The following DLGAP3 variants were observed in gnomAD, a reference collection of about 807,000 sequenced individuals.
DLGAP3 encodes the protein DLG associated protein 3, also known as disks large-associated protein 3.
DLGAP3 carries 17 observed loss-of-function variants against 81.2 expected under a neutral mutation model. The ratio of observed to expected loss-of-function variants is 0.21; its 90% CI spans 0.14 to 0.31. The LOEUF is 0.31. Ranked by LOEUF, DLGAP3 falls within the 10% of genes least tolerant of loss-of-function variation. DLGAP3 has a pLI of 1.00. For missense variants in DLGAP3, 1,124 were observed against 1,388.0 expected (o/e 0.81, Z 3.02); for synonymous variants, 577 against 587.4 (o/e 0.98, Z 0.26).
Position 34,902,246 on chromosome 1 carries a change from G to A in DLGAP3, c.1108-1973C>T, listed in dbSNP as rs1175724067. Among the ~76,000 whole-genome samples, 3 of 152,212 alleles carry A rather than the reference G, an allele frequency of 2.0e-5. No individual in the cohort carries two copies. The highest frequency in any genetic ancestry group is 4.1e-4 in the South Asian group (2 of 4,830). On this transcript the variant is annotated intron_variant, in intron 3 of 11. Coordinates refer to ENST00000373347, the MANE Select transcript of DLGAP3 (RefSeq NM_001080418.3). This position sits in a 1 kb window ranked among gnomAD's most constrained non-coding sequence, Gnocchi z 4.4. ...GGATGGGAGCTCCAAAAGGGGTAACGCCTCAGGGACAGCATAGGGTTCAGG... is the reference window on the plus strand; with the variant it reads ...GGATGGGAGCTCCAAAAGGGGTAACACCTCAGGGACAGCATAGGGTTCAGG...
In DLGAP3 at chr1:34,911,026, C is replaced by A. The variant is rs539917417; in HGVS notation, c.-134-3589G>T. Among the ~76,000 whole-genome samples, 980 of 144,738 alleles carry A rather than the reference C, an allele frequency of 6.8e-3. 16 individuals are homozygous for A. Among genetic ancestry groups the A allele is most frequent in the African/African-American group, 0.023 (910 of 40,196 alleles). The allele number at this position is 144,738 out of a possible 152,430, so 95.0% of individuals were successfully genotyped here. The stretch of plus-strand genomic sequence containing the variant: ...TCCAAAGGATAGATATTATCCACCC[C>A]CCCCCCACCACCTTCCAGTGTACAG... On this transcript the variant is annotated intron_variant, in intron 1 of 11. Transcript: ENST00000373347.
chr1:34,877,072 A>C (rs2148396932), intron 8 of DLGAP3, among the ~76,000 whole-genome samples: 1 of 152,368 alleles, frequency 6.6e-6, no homozygotes, highest in Middle Eastern at 3.4e-3. Context: ...GGTATCAGAA[A>C]CAGGAAGGAA....
chr1:34,909,558 T>C (rs1639609501), intron 1 of DLGAP3, among the ~76,000 whole-genome samples: 1 of 152,244 alleles, frequency 6.6e-6, no homozygotes, highest in African/African-American at 2.4e-5. Flanking sequence ...GCCTTTCTTT[T>C]GGATTTACAA....
chr1:34,903,533 A>T (rs1639496139), intron 3 of DLGAP3, among the ~76,000 whole-genome samples: 1 of 152,202 alleles, frequency 6.6e-6, no homozygotes, highest in Admixed American at 6.5e-5. Context: ...GCTGGGGTGA[A>T]GGCTCCATAA....
At chr1:34,886,943 C>CTTTTTTTTTT in intron 5 of DLGAP3, among the ~76,000 whole-genome samples, 1 of 64,300 alleles carries the variant, frequency 1.6e-5, no homozygotes, top group Non-Finnish European at 3.0e-5. Context: ...CCCCCACCTT[C>CTTTTTTTTTT]TTTTTTTTTT....
At chr1:34,887,234 C>T (rs1285229150) in intron 5 of DLGAP3, among the ~76,000 whole-genome samples, 1 of 151,938 alleles carries the variant, frequency 6.6e-6, no homozygotes, top group African/African-American at 2.4e-5. Context: ...GGATTATAGG[C>T]GTGAGCCACC....
intron 2 of DLGAP3, among the ~76,000 whole-genome samples, chr1:34,906,790 T>A (rs1477555946): frequency 6.6e-6 from 1 of 152,182 alleles, no homozygotes; most frequent in African/African-American, 2.4e-5. Flanking sequence ...CTGGAACCAG[T>A]GCTCCTGGCC....
Position 34,867,441 on chromosome 1 carries a change from C to T in DLGAP3, c.2577+95G>A. 8.5e-7 allele frequency: 1 copy of T among 1,173,498 alleles called. No individual in the cohort carries two copies. Among genetic ancestry groups the T allele is most frequent in the African/African-American group, 1.5e-5 (1 of 66,896 alleles). 72.7% of individuals were successfully genotyped at this position (1,173,498 alleles called of 1,614,324 possible). A position where few individuals can be genotyped will look rare whatever the true frequency, so the allele number is the denominator to read the frequency against. Reference sequence around the variant, plus strand: ...TGCAGGCCTGGTCTCACCTCTGGTACACACTCACTCTGGGTCACCTGCCTG... The same window carrying T: ...TGCAGGCCTGGTCTCACCTCTGGTATACACTCACTCTGGGTCACCTGCCTG... On this transcript the variant is annotated intron_variant, in intron 10 of 11. Coordinates refer to ENST00000373347, the MANE Select transcript of DLGAP3 (RefSeq NM_001080418.3). The surrounding 1 kb of genome is among the most constrained non-coding windows in gnomAD (Gnocchi z 4.3).
rs151248512 is a variant in DLGAP3 at position 34,899,785 on chromosome 1, G to A, written c.1314-44C>T. 2.6e-3 allele frequency: 4,084 copies of A among 1,571,064 alleles called. 12 individuals carry two copies. Among genetic ancestry groups the A allele is most frequent in the Non-Finnish European group, 3.4e-3 (3,831 of 1,141,096 alleles). ...CCGGAGTCAGAACAGTGGACTGCTA[G>A]GAGGTGGGGGAGGGGAGATAATAGC... On this transcript the variant is annotated intron_variant, in intron 4 of 11. Transcript: ENST00000373347.
At position 34,865,805 on chromosome 1, in the gene DLGAP3, G is replaced by C. The variant is rs1238801817; in HGVS notation, c.*278C>G. The stretch of plus-strand genomic sequence containing the variant: ...AAAGAATGGCAGAGATGGTGCCCAT[G>C]GGGAGGAGGTGGGGACAAAGCGTCG... On this transcript the variant is annotated 3_prime_UTR_variant, in exon 12 of 12. Coordinates refer to ENST00000373347, the MANE Select transcript of DLGAP3 (RefSeq NM_001080418.3). The C allele has an allele frequency of 3.7e-6, 2 of 537,396 alleles. No individual in the cohort carries two copies. The highest frequency in any genetic ancestry group is 2.0e-5 in the African/African-American group (1 of 49,362). 33.3% of individuals were successfully genotyped at this position (537,396 alleles called of 1,614,324 possible).
chr1:34,874,109 C>T (rs184264451), intron 8 of DLGAP3, among the ~76,000 whole-genome samples: 2 of 152,250 alleles, frequency 1.3e-5, no homozygotes, highest in Admixed American at 6.5e-5. Context: ...TCCTCCTTCC[C>T]GATCACCAGA....
chr1:34,899,933 A>G, intron 4 of DLGAP3, 135 bp downstream of exon 4: 1 of 909,034 alleles, frequency 1.1e-6, no homozygotes, highest in East Asian at 2.6e-5. Context: ...CCCTCCCTTT[A>G]CATGGAGTGG....
At position 34,929,267 on chromosome 1, in the gene DLGAP3, G is replaced by C. The variant is rs1485495815; in HGVS notation, c.-135+184C>G. On this transcript the variant is annotated intron_variant, in intron 1 of 11. Transcript: ENST00000373347. The surrounding 1 kb of genome is among the most constrained non-coding windows in gnomAD (Gnocchi z 6.5). Reference sequence around the variant, plus strand: ...GCCCCTCGGGTCGGGCCCGCGGGCAGCCAGGCCGGGGCAGGAGCGGGGGCA... The same window carrying C: ...GCCCCTCGGGTCGGGCCCGCGGGCACCCAGGCCGGGGCAGGAGCGGGGGCA... Among the ~76,000 whole-genome samples, 1 of 151,242 alleles carries C rather than the reference G, an allele frequency of 6.6e-6. No homozygotes were observed. Among genetic ancestry groups the C allele is most frequent in the Non-Finnish European group, 1.5e-5 (1 of 67,606 alleles).
At chr1:34,877,496 G>T (rs1217780933) in intron 8 of DLGAP3, among the ~76,000 whole-genome samples, 1 of 152,038 alleles carries the variant, frequency 6.6e-6, no homozygotes, top group Non-Finnish European at 1.5e-5. Flanking sequence ...GAAAGAAGAG[G>T]GCAGTAAAAA....
intron 3 of DLGAP3, among the ~76,000 whole-genome samples, chr1:34,901,556 A>G (rs1639460584): frequency 6.6e-6 from 1 of 152,264 alleles, no homozygotes; most frequent in African/African-American, 2.4e-5. Flanking sequence ...CGAGTTGGTC[A>G]TGATACTTAT....
chr1:34,904,878 C>T lies in DLGAP3; in HGVS notation c.506G>A (p.Arg169His), dbSNP rs766787160. ...CACAGAATGAACCAGGTGCCGGATG[C>T]GGCTAGGGCTCTCACTGCGGGGCTC... ...APEPRSESPS[R>H]IRHLVHSVQK... Residue 169 changes from arginine to histidine, a missense_variant, in exon 3 of 12, where the codon CGC (arginine) becomes CAC (histidine). Arg to His is a conservative substitution (Grantham distance 29, BLOSUM62 0). Around this residue, in one of 9 missense-constraint regions of DLGAP3, gnomAD observed 65 missense variants for 78.2 expected, o/e 0.83. Coordinates refer to ENST00000373347, the MANE Select transcript of DLGAP3 (RefSeq NM_001080418.3). The surrounding 1 kb of genome is among the most constrained non-coding windows in gnomAD (Gnocchi z 8.1). 9.9e-6 allele frequency: 16 copies of T among 1,610,240 alleles called. No homozygotes were observed. Among genetic ancestry groups the T allele is most frequent in the Non-Finnish European group, 1.4e-5 (16 of 1,180,006 alleles).
chr1:34,923,484 C>A (rs1378579748), intron 1 of DLGAP3, among the ~76,000 whole-genome samples: 1 of 152,096 alleles, frequency 6.6e-6, no homozygotes, highest in Non-Finnish European at 1.5e-5. Context: ...GGCAAGGAAG[C>A]AGCTGCTGGA....
chr1:34,905,733 G>C (rs993710558), intron 2 of DLGAP3, among the ~76,000 whole-genome samples: 14 of 152,030 alleles, frequency 9.2e-5, no homozygotes, highest in Non-Finnish European at 2.1e-4. Context: ...ACTGGGCACA[G>C]TGGTTCACAC....
rs141369001 is a variant in DLGAP3 at position 34,913,329 on chromosome 1, G to A, written c.-134-5892C>T. Among the ~76,000 whole-genome samples, 336 of 152,244 alleles carry A rather than the reference G, an allele frequency of 2.2e-3. 2 individuals carry two copies. The highest frequency in any genetic ancestry group is 6.8e-3 in the Middle Eastern group (2 of 294). ...TCTCCTGACCCACTGGACGGTGCTC[G>A]GCCTGTGAATAACCCACACTACCTA... On this transcript the variant is annotated intron_variant, in intron 1 of 11. Transcript: ENST00000373347.
Sources: gnomAD v4.1 joint callset for allele counts (sites outside exome capture counted in the v4.1 genomes callset) on GRCh38, gnomAD v4.1.1 for gene constraint, gnomAD v4.1.1 regional missense constraint, Gnocchi (gnomAD v3.1) non-coding constraint, MANE v1.5 for transcripts, NCBI Gene and HGNC (gene_info 2026-07-23, HGNC 2026-07-21) for gene names.